GFOD1: variants seen among roughly 807,000 people sequenced by gnomAD.
GFOD1 encodes Gfo/Idh/MocA-like oxidoreductase domain containing 1.
GFOD1 carries 9 observed loss-of-function variants against 25.4 expected under a neutral mutation model. That is an observed-to-expected ratio of 0.35 (90% CI 0.21 to 0.62). The LOEUF (loss-of-function observed/expected upper bound fraction) is 0.62, where lower values mean the gene tolerates loss of function less well. Ranked by LOEUF, GFOD1 falls within the 20% of genes least tolerant of loss-of-function variation. GFOD1 has a pLI of 0.72. For missense variants in GFOD1, 403 were observed against 556.9 expected (o/e 0.72, Z 2.78); for synonymous variants, 253 against 245.6 (o/e 1.03, Z -0.28).
chr6:13,468,110 A>G (rs1158602786), intron 1 of GFOD1, among the ~76,000 whole-genome samples: 2 of 152,178 alleles, frequency 1.3e-5, no homozygotes, highest in African/African-American at 4.8e-5. Flanking sequence ...AATTTAGAGA[A>G]GAAAAAAATT....
chr6:13,374,604 C>A (rs1041884586), intron 1 of GFOD1, among the ~76,000 whole-genome samples: 1 of 151,160 alleles, frequency 6.6e-6, no homozygotes, highest in Non-Finnish European at 1.5e-5. Flanking sequence ...CCACGCCCAG[C>A]CAAAAATAAG....
At chr6:13,486,558 G>A (rs911539508) in intron 1 of GFOD1, 80 bp downstream of exon 1, 5 of 1,208,824 alleles carry the variant, frequency 4.1e-6, no homozygotes, top group African/African-American at 3.0e-5. Flanking sequence ...GATGCGGAGA[G>A]GGAAAGGCAG....
chr6:13,448,149 C>T (rs1758037176), intron 1 of GFOD1, among the ~76,000 whole-genome samples: 1 of 152,170 alleles, frequency 6.6e-6, no homozygotes, highest in South Asian at 2.1e-4. Flanking sequence ...GGAACAAGAC[C>T]ATGCTTGTTA....
intron 1 of GFOD1, among the ~76,000 whole-genome samples, chr6:13,454,638 C>T (rs532913886): frequency 3.9e-5 from 6 of 152,324 alleles, no homozygotes; most frequent in Non-Finnish European, 7.4e-5. Flanking sequence ...GCAATGCCAC[C>T]ACTCCCGTCC....
At chr6:13,423,499 A>T (rs1347968252) in intron 1 of GFOD1, among the ~76,000 whole-genome samples, 1 of 152,190 alleles carries the variant, frequency 6.6e-6, no homozygotes, top group Non-Finnish European at 1.5e-5. Context: ...CGCCTGAAAT[A>T]TATGATAGTT....
At position 13,432,456 on chromosome 6, in the gene GFOD1, C is replaced by T. The variant is rs539472232; in HGVS notation, c.253+54182G>A. On this transcript the variant is annotated intron_variant, in intron 1 of 1. Coordinates refer to ENST00000379287, the MANE Select transcript of GFOD1 (RefSeq NM_018988.4). ...ATCCTTGGCTCATGCGATCTTCCCA[C>T]CTTGGCCTCCCAAAGTGCTAGGATT... Among the ~76,000 whole-genome samples, 11 of 152,194 alleles carry T rather than the reference C, an allele frequency of 7.2e-5. 1 individual carries two copies. The highest frequency in any genetic ancestry group is 2.0e-4 in the Admixed American group (3 of 15,274).
intron 1 of GFOD1, among the ~76,000 whole-genome samples, chr6:13,377,035 A>T (rs111853002): frequency 0.015 from 2,206 of 146,140 alleles, 26 homozygotes; most frequent in African/African-American, 0.036. Context: ...TTTTTTTTTT[A>T]AAAGCCAATA....
intron 1 of GFOD1, among the ~76,000 whole-genome samples, chr6:13,418,964 G>A (rs1001287439): frequency 3.3e-5 from 5 of 152,216 alleles, no homozygotes; most frequent in Non-Finnish European, 5.9e-5. Context: ...GATTTCAAAT[G>A]CATCCTGCCA....
rs141861522 is a variant in GFOD1 at position 13,373,991 on chromosome 6, G to C, written c.254-8329C>G. On this transcript the variant is annotated intron_variant, in intron 1 of 1. Coordinates refer to ENST00000379287, the MANE Select transcript of GFOD1 (RefSeq NM_018988.4). ...AAAAGACTAGTCTGATCTGCTCATA[G>C]CACAAATGGTACAATTTCAAATAGC... 1.7e-3 allele frequency among the ~76,000 whole-genome samples: 259 copies of C among 152,234 alleles called. 3 individuals are homozygous for C. Among genetic ancestry groups the C allele is most frequent in the African/African-American group, 5.7e-3 (237 of 41,514 alleles).
At position 13,393,784 on chromosome 6, in the gene GFOD1, T is replaced by TTTC. The variant is rs1554200866; in HGVS notation, c.254-28123_254-28122insGAA. On this transcript the variant is annotated intron_variant, in intron 1 of 1. Coordinates refer to ENST00000379287, the MANE Select transcript of GFOD1 (RefSeq NM_018988.4). ...GGCCAATTTCTTTTTTCTTTTCTTTTTTTTTTTTTTTTTGAGACGGAGTTT... is the reference window on the plus strand; with the variant it reads ...GGCCAATTTCTTTTTTCTTTTCTTTTTTCTTTTTTTTTTTTTGAGACGGAGTTT... 2.2e-4 allele frequency among the ~76,000 whole-genome samples: 32 copies of TTTC among 143,550 alleles called. 1 individual carries two copies. Among genetic ancestry groups the TTTC allele is most frequent in the Admixed American group, 2.2e-3 (31 of 14,324 alleles). The allele number at this position is 143,550 out of a possible 152,430, so 94.2% of individuals were successfully genotyped here.
intron 1 of GFOD1, chr6:13,469,215 C>G (rs1758432924): frequency 1.0e-6 from 1 of 984,426 alleles, no homozygotes; most frequent in Non-Finnish European, 1.2e-6. Flanking sequence ...GTAACAGCAC[C>G]ACACTCAGCC....
intron 1 of GFOD1, chr6:13,485,874 G>C (rs926485561): frequency 4.1e-6 from 1 of 242,396 alleles, no homozygotes; most frequent in African/African-American, 2.3e-5. Flanking sequence ...AATTGGGGCA[G>C]AAGACATTTC....
At chr6:13,463,717 T>C (rs746760791) in intron 1 of GFOD1, among the ~76,000 whole-genome samples, 3 of 152,252 alleles carry the variant, frequency 2.0e-5, no homozygotes, top group Admixed American at 1.3e-4. Context: ...ATAAACCTTA[T>C]GTTTATTTTT....
chr6:13,412,736 T>C (rs865956541), intron 1 of GFOD1, among the ~76,000 whole-genome samples: 5 of 152,226 alleles, frequency 3.3e-5, no homozygotes, highest in Admixed American at 2.0e-4. Context: ...TGCCTTCCCT[T>C]CTGGGCTAAC....
chr6:13,410,842 C>A (rs1233180192), intron 1 of GFOD1, among the ~76,000 whole-genome samples: 2 of 151,758 alleles, frequency 1.3e-5, no homozygotes, highest in Non-Finnish European at 2.9e-5. Flanking sequence ...AGGAGAGAGA[C>A]CTGACTCCCT....
intron 1 of GFOD1, among the ~76,000 whole-genome samples, chr6:13,373,492 C>G (rs1785189150): frequency 6.6e-6 from 1 of 151,934 alleles, no homozygotes; most frequent in African/African-American, 2.4e-5. Flanking sequence ...ATCTGTGATT[C>G]AAGAAAGATT....
chr6:13,401,047 A>T lies in GFOD1; in HGVS notation c.254-35385T>A, dbSNP rs1283440399. On this transcript the variant is annotated intron_variant, in intron 1 of 1. Transcript: ENST00000379287. ...GCATCACATACTTGTGAAGACCATA[A>T]GTCTATGTTTCAAATTCCTTTCTAT... 3.3e-5 allele frequency among the ~76,000 whole-genome samples: 5 copies of T among 152,222 alleles called. No homozygotes were observed. The South Asian group carries it at 6.2e-4, about 19-fold the overall frequency.
chr6:13,409,280 GACAGAGAGGAAGGAAGGAAGAAAGGA>G (rs1336344544), intron 1 of GFOD1, among the ~76,000 whole-genome samples: 2 of 139,136 alleles, frequency 1.4e-5, no homozygotes, highest in Non-Finnish European at 3.2e-5. Flanking sequence ...AAGATAGAGA[GACAGAGAGGAAGGAAGGAAGAAAGGA>G]AGGAAGGAAG....
intron 1 of GFOD1, among the ~76,000 whole-genome samples, chr6:13,450,529 A>C (rs1280998400): frequency 2.0e-5 from 3 of 152,158 alleles, no homozygotes; most frequent in Non-Finnish European, 4.4e-5. Flanking sequence ...TGAAGACCGG[A>C]GCACACCAGG....
Sources: allele counts gnomAD v4.1 joint callset (sites outside exome capture counted in the v4.1 genomes callset), GRCh38; gene constraint gnomAD v4.1.1; transcripts MANE v1.5; gene names NCBI Gene and HGNC (gene_info 2026-07-23, HGNC 2026-07-21).